The following SCCPDH variants were observed in gnomAD, a reference collection of about 807,000 sequenced individuals.
SCCPDH encodes saccharopine dehydrogenase-like oxidoreductase.
In SCCPDH, 34 loss-of-function variants were observed where a neutral mutation model predicts 51.5. That is an observed-to-expected ratio of 0.66 (90% CI 0.50 to 0.88). SCCPDH has a LOEUF of 0.88. Among genes scored for constraint, SCCPDH ranks in the 40% least tolerant of loss-of-function variants. The probability of loss-of-function intolerance (pLI) is 0.00; values close to 1 mark genes in which losing one functional copy is unlikely to be tolerated. For missense variants in SCCPDH, 464 were observed against 527.1 expected, an observed-to-expected ratio of 0.88 and a Z score of 1.17; for synonymous variants, 187 against 191.3, an observed-to-expected ratio of 0.98 and a Z score of 0.19.
At chr1:246,740,119 T>C in intron 3 of SCCPDH, 53 bp from the exon 4 acceptor site, 4 of 1,368,260 alleles carry the variant, frequency 2.9e-6, no homozygotes, top group Non-Finnish European at 4.0e-6. Flanking sequence ...TATTTAATAC[T>C]GGTCTACATC....
chr1:246,734,104 C>G (rs1668534110), intron 2 of SCCPDH, among the ~76,000 whole-genome samples: 1 of 152,140 alleles, frequency 6.6e-6, no homozygotes, highest in Non-Finnish European at 1.5e-5. Context: ...AAGCCTGATT[C>G]TGGGGGTCTG....
chr1:246,759,321 C>A (rs1006483477), intron 7 of SCCPDH, among the ~76,000 whole-genome samples, 170 bp downstream of exon 7: 5 of 152,104 alleles, frequency 3.3e-5, no homozygotes, highest in African/African-American at 1.2e-4. Flanking sequence ...TATTTTATAA[C>A]CTTGTCTTTT....
rs550851259 is a variant in SCCPDH at position 246,752,961 on chromosome 1, G to A, written c.565-5265G>A. Among the ~76,000 whole-genome samples, 5 of 150,890 alleles carry A rather than the reference G, an allele frequency of 3.3e-5. No homozygotes were observed. In the South Asian group the frequency reaches 6.3e-4, roughly 19 times the overall value. ...CCTCTTTCTCTCCCTTTGCCTCTTC[G>A]TCTGTGTCTCTGTCTCTCTCTCTCT... On this transcript the variant is annotated intron_variant, in intron 5 of 11. Coordinates refer to ENST00000366510, the MANE Select transcript of SCCPDH (RefSeq NM_016002.3).
At chr1:246,760,316 A>C in intron 9 of SCCPDH, 89 bp downstream of exon 9, 1 of 1,100,712 alleles carries the variant, frequency 9.1e-7, no homozygotes, top group Non-Finnish European at 1.3e-6. Flanking sequence ...ACTATGTTTC[A>C]GATACTCTTT....
intron 2 of SCCPDH, among the ~76,000 whole-genome samples, chr1:246,729,048 A>T (rs1227964867): frequency 1.3e-5 from 2 of 152,194 alleles, no homozygotes; most frequent in African/African-American, 4.8e-5. Context: ...AAAACCAGCA[A>T]GTTTTTATTA....
Position 246,754,834 on chromosome 1 carries a change from C to T in SCCPDH, c.565-3392C>T, listed in dbSNP as rs548691257. Among the ~76,000 whole-genome samples, 31 of 151,974 alleles carry T rather than the reference C, an allele frequency of 2.0e-4. No individual in the cohort carries two copies. The South Asian group carries it at 6.2e-3, about 31-fold the overall frequency. ...TTTTAGTAGTTTGGGTTTTCTTTCT[C>T]TTTTTTTTGGTCTGTCTAGCCAAAA... On this transcript the variant is annotated intron_variant, in intron 5 of 11. Transcript: ENST00000366510.
intron 3 of SCCPDH, among the ~76,000 whole-genome samples, chr1:246,736,441 C>T (rs1408282923): frequency 1.3e-5 from 2 of 152,184 alleles, no homozygotes; most frequent in Non-Finnish European, 2.9e-5. Flanking sequence ...GTGGCTCACA[C>T]CTGCACTCCC....
intron 3 of SCCPDH, among the ~76,000 whole-genome samples, chr1:246,736,758 G>C (rs1179558502): frequency 2.0e-5 from 3 of 152,022 alleles, no homozygotes; most frequent in African/African-American, 7.2e-5. Flanking sequence ...AAAAATAAAG[G>C]TAAAATTCAC....
intron 10 of SCCPDH, among the ~76,000 whole-genome samples, 156 bp from the exon 11 acceptor site, chr1:246,765,902 C>G (rs1039946927): frequency 6.6e-6 from 1 of 152,098 alleles, no homozygotes; most frequent in Non-Finnish European, 1.5e-5. Flanking sequence ...TTAATAAATA[C>G]TTTCGATATG....
At chr1:246,750,922 C>T (rs1265378363) in intron 5 of SCCPDH, among the ~76,000 whole-genome samples, 1 of 152,156 alleles carries the variant, frequency 6.6e-6, no homozygotes, top group Non-Finnish European at 1.5e-5. Flanking sequence ...TGTCTGTAAC[C>T]CGTTTGGCCG....
At chr1:246,731,091 A>G (rs1668484017) in intron 2 of SCCPDH, among the ~76,000 whole-genome samples, 1 of 152,200 alleles carries the variant, frequency 6.6e-6, no homozygotes, top group South Asian at 2.1e-4. Flanking sequence ...TGAGACATGG[A>G]GAGCAGGATT....
intron 5 of SCCPDH, among the ~76,000 whole-genome samples, chr1:246,756,998 G>A (rs1465853646): frequency 6.6e-6 from 1 of 152,110 alleles, no homozygotes; most frequent in Non-Finnish European, 1.5e-5. Context: ...AATAAATGAA[G>A]TTTATTCCTG....
chr1:246,742,441 A>T (rs1002523056), intron 4 of SCCPDH, among the ~76,000 whole-genome samples: 9 of 152,146 alleles, frequency 5.9e-5, no homozygotes, highest in African/African-American at 1.7e-4. Context: ...CTGATTGTTG[A>T]TGCAGGTGGT....
At chr1:246,725,974 C>T (rs891310111) in intron 1 of SCCPDH, among the ~76,000 whole-genome samples, 21 of 152,176 alleles carry the variant, frequency 1.4e-4, no homozygotes, top group Non-Finnish European at 2.8e-4. Context: ...TTGCCATTCT[C>T]CTGCCTCAGC....
chr1:246,750,004 A>T (rs901709386), intron 5 of SCCPDH, among the ~76,000 whole-genome samples: 1 of 152,068 alleles, frequency 6.6e-6, no homozygotes, highest in Non-Finnish European at 1.5e-5. Flanking sequence ...GTTCAAACCC[A>T]TTTTCGCTTT....
chr1:246,728,307 T>A (rs1181089213), intron 2 of SCCPDH, among the ~76,000 whole-genome samples: 2 of 152,212 alleles, frequency 1.3e-5, no homozygotes, highest in Non-Finnish European at 2.9e-5. Context: ...TGATTTAGAT[T>A]CATCTCATTC....
At position 246,758,262 on chromosome 1, in the gene SCCPDH, A is replaced by G. The variant is rs755291435; in HGVS notation, c.601A>G (p.Ile201Val). 2.5e-6 allele frequency: 4 copies of G among 1,609,830 alleles called. No individual in the cohort carries two copies. The highest frequency in any genetic ancestry group is 3.4e-6 in the Non-Finnish European group (4 of 1,177,966). Residue 201 changes from isoleucine (I) to valine (V), a missense_variant, in exon 6 of 12, where the codon ATT becomes GTT. Physicochemically the swap from Ile to Val is conservative, Grantham distance 29 (BLOSUM62 3). Coordinates refer to ENST00000366510, the MANE Select transcript of SCCPDH (RefSeq NM_016002.3). ...SIHDGTWKSA[I>V]YGFGDQSNLR... ...TCATGATGGTACCTGGAAGTCAGCA[A>G]TTTATGGTTTTGGAGATCAGAGTAA...
intron 5 of SCCPDH, among the ~76,000 whole-genome samples, chr1:246,753,390 A>G (rs1230992701): frequency 2.0e-5 from 3 of 152,116 alleles, no homozygotes; most frequent in Non-Finnish European, 4.4e-5. Flanking sequence ...TAGTGACAAA[A>G]TGCAGTTTTA....
intron 5 of SCCPDH, among the ~76,000 whole-genome samples, chr1:246,745,146 T>C (rs79729436): frequency 0.053 from 8,025 of 152,260 alleles, 388 homozygotes; most frequent in East Asian, 0.17. Context: ...TCTTACTGAA[T>C]CTACAGTGCA....
Sources: gnomAD v4.1 joint callset for allele counts (sites outside exome capture counted in the v4.1 genomes callset) on GRCh38, gnomAD v4.1.1 for gene constraint, MANE v1.5 for transcripts, NCBI Gene and HGNC (gene_info 2026-07-23, HGNC 2026-07-21) for gene names.